VPS13B: variants seen among roughly 807,000 people sequenced by gnomAD.
The protein encoded by VPS13B is intermembrane lipid transfer protein VPS13B.
Under a neutral mutation model 426.4 loss-of-function variants are expected in VPS13B, and 285 were observed. The ratio of observed to expected loss-of-function variants is 0.67; its 90% CI spans 0.61 to 0.74. The LOEUF (loss-of-function observed/expected upper bound fraction) is 0.74, where lower values mean the gene tolerates loss of function less well. VPS13B is among the 30% of genes least tolerant of loss of function. The probability of loss-of-function intolerance (pLI) is 0.00; values close to 1 mark genes in which losing one functional copy is unlikely to be tolerated. For synonymous variants in VPS13B, 1,676 were observed against 1,676.4 expected (o/e 1.00, Z 0.01); for missense variants, 4,537 against 4,782.6 (o/e 0.95, Z 1.51).
intron 25 of VPS13B, among the ~76,000 whole-genome samples, chr8:99,497,249 GTATT>G (rs1404853721): frequency 3.8e-4 from 51 of 135,970 alleles, no homozygotes; most frequent in African/African-American, 1.4e-3. Flanking sequence ...ATATATGTAT[GTATT>G]TATGTATCAT....
intron 33 of VPS13B, among the ~76,000 whole-genome samples, chr8:99,589,478 A>G (rs1369424733): frequency 6.6e-6 from 1 of 151,548 alleles, no homozygotes. Flanking sequence ...TCCTTGCGAT[A>G]GTTTTCTGAG....
At chr8:99,499,274 G>GT (rs1484039334) in intron 25 of VPS13B, among the ~76,000 whole-genome samples, 1 of 152,042 alleles carries the variant, frequency 6.6e-6, no homozygotes, top group Admixed American at 6.6e-5. Flanking sequence ...ACAAAATGCT[G>GT]TAAATCCAAA....
At chr8:99,862,053 G>A in intron 58 of VPS13B, 107 bp downstream of exon 58, 1 of 1,342,620 alleles carries the variant, frequency 7.4e-7, no homozygotes, top group Admixed American at 2.3e-5. Context: ...ACCAGGAAAT[G>A]CTCAGAGAAG....
intron 16 of VPS13B, among the ~76,000 whole-genome samples, chr8:99,192,596 A>G (rs556504217): frequency 6.6e-6 from 1 of 152,174 alleles, no homozygotes; most frequent in Non-Finnish European, 1.5e-5. Flanking sequence ...TTTACTCAGG[A>G]TGATTGCCTT....
At chr8:99,576,266 C>T (rs937151358) in intron 32 of VPS13B, among the ~76,000 whole-genome samples, 8 of 151,994 alleles carry the variant, frequency 5.3e-5, no homozygotes, top group African/African-American at 1.9e-4. Flanking sequence ...ACTATTTAAC[C>T]TACTAGTATA....
chr8:99,674,864 A>C (rs1830866454), intron 35 of VPS13B, among the ~76,000 whole-genome samples: 1 of 151,996 alleles, frequency 6.6e-6, no homozygotes, highest in South Asian at 2.1e-4. Flanking sequence ...ACCTCCCTCC[A>C]CATTTTGAAT....
At chr8:99,014,062 C>A in intron 2 of VPS13B, 127 bp downstream of exon 2, 1 of 1,128,460 alleles carries the variant, frequency 8.9e-7, no homozygotes, top group Non-Finnish European at 1.3e-6. Context: ...TTTGAGCTAC[C>A]CTGAAACAAG....
At chr8:99,866,556 T>C (rs1180371068) in intron 58 of VPS13B, among the ~76,000 whole-genome samples, 1 of 152,224 alleles carries the variant, frequency 6.6e-6, no homozygotes, top group Non-Finnish European at 1.5e-5. Flanking sequence ...GTCTTATCTG[T>C]CAAAGCCACA....
intron 23 of VPS13B, among the ~76,000 whole-genome samples, chr8:99,453,206 ATT>A (rs949686951): frequency 6.6e-6 from 1 of 152,102 alleles, no homozygotes; most frequent in Non-Finnish European, 1.5e-5. Flanking sequence ...GTATTGTTCT[ATT>A]TTAGGTTTTT....
At chr8:99,709,315 G>T (rs796512292) in intron 36 of VPS13B, among the ~76,000 whole-genome samples, 7 of 152,168 alleles carry the variant, frequency 4.6e-5, no homozygotes, top group Admixed American at 1.3e-4. Context: ...TAGTCAGCAT[G>T]TAGACACTAG....
At chr8:99,194,048 A>C (rs1813752895) in intron 17 of VPS13B, among the ~76,000 whole-genome samples, 1 of 152,208 alleles carries the variant, frequency 6.6e-6, no homozygotes, top group Non-Finnish European at 1.5e-5. Flanking sequence ...TGACTTAATC[A>C]CATGAGGTCA....
At chr8:99,614,971 G>A (rs1364984787) in intron 33 of VPS13B, among the ~76,000 whole-genome samples, 1 of 151,908 alleles carries the variant, frequency 6.6e-6, no homozygotes, top group South Asian at 2.1e-4. Flanking sequence ...TACACAATTA[G>A]CCAGGCGTGG....
At chr8:99,372,167 C>T (rs1198873766) in intron 19 of VPS13B, among the ~76,000 whole-genome samples, 6 of 150,490 alleles carry the variant, frequency 4.0e-5, no homozygotes, top group Admixed American at 6.6e-5. Flanking sequence ...AGGAGAATGG[C>T]GTGAACCCCA....
intron 33 of VPS13B, among the ~76,000 whole-genome samples, chr8:99,623,514 A>G (rs1291149634): frequency 6.6e-6 from 1 of 152,172 alleles, no homozygotes; most frequent in African/African-American, 2.4e-5. Flanking sequence ...CCAGTGCCTT[A>G]AATTACTGGG....
intron 17 of VPS13B, among the ~76,000 whole-genome samples, chr8:99,247,011 G>C (rs992423648): frequency 6.6e-6 from 1 of 152,082 alleles, no homozygotes; most frequent in Non-Finnish European, 1.5e-5. Context: ...TTTGAGGGCA[G>C]GCACTATATT....
intron 19 of VPS13B, among the ~76,000 whole-genome samples, chr8:99,378,141 C>T (rs1438259284): frequency 7.2e-6 from 1 of 138,180 alleles, no homozygotes; most frequent in Non-Finnish European, 1.6e-5. Flanking sequence ...AGAGCCCCCC[C>T]CCCCCGGAAT....
At chr8:99,121,075 T>C (rs905838750) in intron 7 of VPS13B, 102 bp from the exon 8 acceptor site, 310 of 1,008,504 alleles carry the variant, frequency 3.1e-4, no homozygotes, top group Non-Finnish European at 4.2e-4. Flanking sequence ...TTATACCTTA[T>C]ATTAGAAGGA....
intron 18 of VPS13B, 97 bp from the exon 19 acceptor site, chr8:99,274,984 A>G: frequency 9.4e-7 from 1 of 1,058,648 alleles, no homozygotes; most frequent in Non-Finnish European, 1.3e-6. Context: ...AATAAAGTTG[A>G]AATGTTATAT....
intron 19 of VPS13B, among the ~76,000 whole-genome samples, chr8:99,338,589 T>C (rs2133177749): frequency 6.6e-6 from 1 of 152,320 alleles, no homozygotes; most frequent in South Asian, 2.1e-4. Context: ...TATTTAATTT[T>C]AGCTTTTATT....
Sources: gnomAD v4.1 joint callset for allele counts (sites outside exome capture counted in the v4.1 genomes callset) on GRCh38, gnomAD v4.1.1 for gene constraint, MANE v1.5 for transcripts, NCBI Gene and HGNC (gene_info 2026-07-23, HGNC 2026-07-21) for gene names.